The following ERBB4 variants were observed in gnomAD, a reference collection of about 807,000 sequenced individuals.
ERBB4 encodes the protein receptor tyrosine-protein kinase erbB-4.
Under a neutral mutation model 158.0 loss-of-function variants are expected in ERBB4, and 42 were observed. That is an observed-to-expected ratio of 0.27 (90% CI 0.21 to 0.34). The LOEUF (loss-of-function observed/expected upper bound fraction) is 0.34. Ranked by LOEUF, ERBB4 falls within the 10% of genes least tolerant of loss-of-function variation. The pLI is 1.00. For missense variants in ERBB4, 1,333 were observed against 1,624.1 expected (o/e 0.82, Z 3.08); for synonymous variants, 583 against 558.7 (o/e 1.04, Z -0.61).
At chr2:211,532,708 TGAGAA>T (rs1284300370) in intron 20 of ERBB4, among the ~76,000 whole-genome samples, 2 of 151,762 alleles carry the variant, frequency 1.3e-5, no homozygotes, top group East Asian at 1.9e-4. Context: ...ATAACAATAA[TGAGAA>T]GAGAAAAGAT....
At chr2:211,786,268 G>A (rs1471420306) in intron 4 of ERBB4, among the ~76,000 whole-genome samples, 1 of 152,124 alleles carries the variant, frequency 6.6e-6, no homozygotes, top group African/African-American at 2.4e-5. Flanking sequence ...CCTCTGGGGA[G>A]AAGACAGAGA....
At chr2:211,732,402 G>T (rs2074451955) in intron 5 of ERBB4, among the ~76,000 whole-genome samples, 1 of 151,116 alleles carries the variant, frequency 6.6e-6, no homozygotes, top group South Asian at 2.1e-4. Flanking sequence ...TTATCAAAAA[G>T]TATCTGGGCT....
At chr2:211,765,610 A>G (rs2075532543) in intron 4 of ERBB4, among the ~76,000 whole-genome samples, 1 of 152,164 alleles carries the variant, frequency 6.6e-6, no homozygotes, top group Admixed American at 6.5e-5. Flanking sequence ...CAAAGCAGGC[A>G]GATTCCTGTC....
intron 2 of ERBB4, among the ~76,000 whole-genome samples, chr2:212,074,671 G>A (rs1045190974): frequency 2.6e-5 from 4 of 151,918 alleles, no homozygotes; most frequent in African/African-American, 9.7e-5. Context: ...CAGTATCACA[G>A]AGCATTAGAT....
intron 20 of ERBB4, among the ~76,000 whole-genome samples, chr2:211,487,986 G>C (rs565531375): frequency 2.0e-5 from 3 of 152,046 alleles, no homozygotes; most frequent in South Asian, 2.1e-4. Flanking sequence ...CTCATGAACA[G>C]AGTAATTAAG....
intron 2 of ERBB4, among the ~76,000 whole-genome samples, chr2:212,112,231 C>T (rs932775435): frequency 2.6e-5 from 4 of 152,054 alleles, no homozygotes; most frequent in Non-Finnish European, 5.9e-5. Context: ...CTCCTGGCTT[C>T]AAGCAATCAT....
intron 2 of ERBB4, among the ~76,000 whole-genome samples, chr2:212,086,294 A>G (rs1219781523): frequency 6.6e-6 from 1 of 151,862 alleles, no homozygotes; most frequent in Non-Finnish European, 1.5e-5. Context: ...ATAGATGGAT[A>G]CAATATTCAG....
chr2:212,125,214 CATT>C, intron 1 of ERBB4: 1 of 189,324 alleles, frequency 5.3e-6, no homozygotes, highest in Non-Finnish European at 9.8e-6. Flanking sequence ...TTTATTTAAA[CATT>C]TTTTTTTTTA....
chr2:212,206,805 G>T (rs2082773086), intron 1 of ERBB4, among the ~76,000 whole-genome samples: 1 of 151,690 alleles, frequency 6.6e-6, no homozygotes, highest in South Asian at 2.1e-4. Flanking sequence ...AGCCAGGATG[G>T]TCTCCATCTC....
At chr2:212,471,127 G>A (rs1269379515) in intron 1 of ERBB4, among the ~76,000 whole-genome samples, 1 of 152,046 alleles carries the variant, frequency 6.6e-6, no homozygotes, top group Non-Finnish European at 1.5e-5. Context: ...TTTGGCTAGA[G>A]ACATATTTCA....
intron 1 of ERBB4, among the ~76,000 whole-genome samples, chr2:212,454,911 G>C (rs1047543992): frequency 5.9e-5 from 9 of 151,914 alleles, no homozygotes; most frequent in African/African-American, 2.2e-4. Flanking sequence ...AAACTCAGGA[G>C]AAATGACCGC....
At chr2:212,448,493 T>G (rs2092397612) in intron 1 of ERBB4, among the ~76,000 whole-genome samples, 1 of 152,160 alleles carries the variant, frequency 6.6e-6, no homozygotes, top group Admixed American at 6.5e-5. Flanking sequence ...TAATCATCCC[T>G]CAGTTGATCC....
chr2:212,205,528 A>G (rs571936390), intron 1 of ERBB4, among the ~76,000 whole-genome samples: 24 of 152,360 alleles, frequency 1.6e-4, no homozygotes, highest in Non-Finnish European at 2.9e-4. Flanking sequence ...TATACTTTAA[A>G]AAATAATTTT....
intron 1 of ERBB4, among the ~76,000 whole-genome samples, chr2:212,191,762 A>C (rs1252256870): frequency 7.2e-6 from 1 of 139,276 alleles, no homozygotes; most frequent in African/African-American, 2.8e-5. Context: ...CGTGTTATAC[A>C]TGTTATATAT....
At chr2:211,580,873 A>T (rs1323632551) in intron 19 of ERBB4, among the ~76,000 whole-genome samples, 11 of 940 alleles carry the variant, frequency 0.012, 2 homozygotes, top group African/African-American at 0.026. Context: ...ATACATATAT[A>T]TATATATATA....
At chr2:212,025,989 C>G (rs1231980459) in intron 2 of ERBB4, among the ~76,000 whole-genome samples, 1 of 151,614 alleles carries the variant, frequency 6.6e-6, no homozygotes, top group African/African-American at 2.4e-5. Flanking sequence ...GAGTAACTGT[C>G]CTGCTTCTCC....
chr2:211,459,126 A>T (rs538762464), intron 20 of ERBB4, among the ~76,000 whole-genome samples: 30 of 152,338 alleles, frequency 2.0e-4, no homozygotes, highest in African/African-American at 7.0e-4. Flanking sequence ...GAAGTTTCAC[A>T]TCACCTCAAA....
At chr2:211,804,746 C>A (rs1362322816) in intron 3 of ERBB4, among the ~76,000 whole-genome samples, 1 of 151,786 alleles carries the variant, frequency 6.6e-6, no homozygotes, top group Non-Finnish European at 1.5e-5. Flanking sequence ...TTAAAGAGAC[C>A]TGGGCTCTTT....
chr2:211,898,154 TA>T (rs1026133603), intron 3 of ERBB4, among the ~76,000 whole-genome samples: 11 of 152,082 alleles, frequency 7.2e-5, no homozygotes, highest in Non-Finnish European at 1.2e-4. Flanking sequence ...TTCGAAAGCC[TA>T]AAAAAGATAT....
Sources: allele counts gnomAD v4.1 joint callset (sites outside exome capture counted in the v4.1 genomes callset), GRCh38; gene constraint gnomAD v4.1.1; transcripts MANE v1.5; gene names NCBI Gene and HGNC (gene_info 2026-07-23, HGNC 2026-07-21).